ZNF560: variants seen among roughly 807,000 people sequenced by gnomAD.
ZNF560 encodes zinc finger protein 560.
A neutral mutation model predicts 81.8 loss-of-function variants in ZNF560; 54 were observed. The ratio of observed to expected loss-of-function variants is 0.66; its 90% CI spans 0.53 to 0.83. The LOEUF is 0.83. Ranked by LOEUF, ZNF560 falls within the 40% of genes least tolerant of loss-of-function variation. ZNF560 has a pLI of 0.00. For missense variants in ZNF560, 940 were observed against 932.4 expected (o/e 1.01, Z -0.11); for synonymous variants, 321 against 317.9 (o/e 1.01, Z -0.10).
intron 2 of ZNF560, among the ~76,000 whole-genome samples, chr19:9,478,272 CAAAA>C (rs1031766183): frequency 6.6e-6 from 1 of 151,964 alleles, no homozygotes; most frequent in Non-Finnish European, 1.5e-5. Context: ...AACAAACAAA[CAAAA>C]AAACTGCTCA....
At chr19:9,471,830 G>A (rs573564537) in intron 5 of ZNF560, among the ~76,000 whole-genome samples, 1 of 152,364 alleles carries the variant, frequency 6.6e-6, no homozygotes, top group Non-Finnish European at 1.5e-5. Context: ...CCCTCAGAGG[G>A]CTGGGTGTGG....
intron 2 of ZNF560, among the ~76,000 whole-genome samples, chr19:9,490,286 C>G (rs2073450651): frequency 6.6e-6 from 1 of 152,186 alleles, no homozygotes; most frequent in South Asian, 2.1e-4. Context: ...CAGGAGATAA[C>G]AATCATTAAG....
At chr19:9,459,657 A>C in the ZNF560 span, among the ~76,000 whole-genome samples, 2 of 152,196 alleles carry the variant, frequency 1.3e-5, no homozygotes, top group African/African-American at 4.8e-5. Context: ...GTGATCAAAG[A>C]AGCAGGTGGT....
At chr19:9,485,405 G>T (rs913587534) in intron 2 of ZNF560, among the ~76,000 whole-genome samples, 6 of 149,474 alleles carry the variant, frequency 4.0e-5, no homozygotes, top group African/African-American at 1.5e-4. Context: ...CACATTAACA[G>T]AATTAAGTAT....
chr19:9,477,821 A>C (rs910638713), intron 2 of ZNF560, among the ~76,000 whole-genome samples: 12 of 152,204 alleles, frequency 7.9e-5, no homozygotes. Flanking sequence ...AGGAAAAGAA[A>C]AAAATCTTTG....
chr19:9,476,712 T>A (rs937333971), intron 2 of ZNF560, among the ~76,000 whole-genome samples: 1 of 152,224 alleles, frequency 6.6e-6, no homozygotes, highest in Non-Finnish European at 1.5e-5. Context: ...CTTCTGCCAT[T>A]GATGTTAAGT....
At chr19:9,494,860 TCACACCACTGCACTCCAGA>T (rs1189970215) in intron 2 of ZNF560, among the ~76,000 whole-genome samples, 2 of 151,792 alleles carry the variant, frequency 1.3e-5, no homozygotes, top group Non-Finnish European at 2.9e-5. Flanking sequence ...TGAGCCAAGG[TCACACCACTGCACTCCAGA>T]CAGCAATAAG....
At chr19:9,453,149 T>C in the ZNF560 span, among the ~76,000 whole-genome samples, 1 of 152,156 alleles carries the variant, frequency 6.6e-6, no homozygotes, top group Non-Finnish European at 1.5e-5. Context: ...ACAAGAGTGT[T>C]TGCTGTATCT....
Position 9,466,768 on chromosome 19 carries a change from G to A in ZNF560, c.2179C>T (p.Leu727Phe), listed in dbSNP as rs1160331611. The change falls in exon 10 of 10, where the codon CTT becomes TTT. Residue 727 changes from leucine (L) to phenylalanine (F), a missense_variant. By Grantham distance (22) the Leu-to-Phe change is conservative. Transcript: ENST00000301480. ...GTGTGAATTCGCACATGATTAGTAA[G>A]ATCTGAATGACAAGTGAAGGCTTTC... ...CGKAFTCHSD[L>F]TNHVRIHTGE... 4 of 1,614,092 alleles carry A rather than the reference G, an allele frequency of 2.5e-6. No individual in the cohort carries two copies. Among genetic ancestry groups the A allele is most frequent in the Non-Finnish European group, 3.4e-6 (4 of 1,180,006 alleles).
At chr19:9,456,255 C>T in the ZNF560 span, among the ~76,000 whole-genome samples, 3 of 152,116 alleles carry the variant, frequency 2.0e-5, no homozygotes, top group African/African-American at 4.8e-5. Flanking sequence ...CAGGAGTCTG[C>T]GGACCTCTGC....
intron 2 of ZNF560, among the ~76,000 whole-genome samples, chr19:9,476,645 C>T (rs1387039080): frequency 6.6e-6 from 1 of 152,142 alleles, no homozygotes; most frequent in Non-Finnish European, 1.5e-5. Flanking sequence ...CAATCTCTCT[C>T]CTGCCACCCT....
At position 9,498,235 on chromosome 19, in the gene ZNF560, C is replaced by A. The variant is rs184565666; in HGVS notation, c.-144-20G>T. The A allele has an allele frequency of 2.3e-4, 35 of 152,276 alleles. No homozygotes were observed. Among genetic ancestry groups the A allele is most frequent in the African/African-American group, 8.2e-4 (34 of 41,558 alleles). 9.4% of individuals were successfully genotyped at this position (152,276 alleles called of 1,614,324 possible). Reference sequence around the variant, plus strand: ...TTCCCTCTGAAACACAATTCACAAACGTTGCCTTGGAGACTTATTTTTTAA... The same window carrying A: ...TTCCCTCTGAAACACAATTCACAAAAGTTGCCTTGGAGACTTATTTTTTAA... On this transcript the variant is annotated intron_variant, in intron 1 of 9. Transcript: ENST00000301480.
chr19:9,483,637 GC>G (rs1335713380), intron 2 of ZNF560, among the ~76,000 whole-genome samples: 1 of 146,346 alleles, frequency 6.8e-6, no homozygotes, highest in African/African-American at 2.5e-5. Flanking sequence ...GTGGGGGCCA[GC>G]CCCCCGCCGG....
At chr19:9,464,468 G>T (rs1018704333), downstream of ZNF560, among the ~76,000 whole-genome samples, 32 of 152,160 alleles carry the variant, frequency 2.1e-4, no homozygotes, top group African/African-American at 7.5e-4. Flanking sequence ...TGAAATCACG[G>T]TATCTTAAGT....
chr19:9,484,531 C>T (rs1051704124), intron 2 of ZNF560, among the ~76,000 whole-genome samples: 11 of 151,424 alleles, frequency 7.3e-5, no homozygotes, highest in South Asian at 2.1e-4. Flanking sequence ...CCTGTAATTC[C>T]GGCACTTTGG....
chr19:9,486,236 T>C (rs1296539011), intron 2 of ZNF560, among the ~76,000 whole-genome samples: 2 of 151,832 alleles, frequency 1.3e-5, no homozygotes, highest in Non-Finnish European at 2.9e-5. Context: ...TATCCTGGGG[T>C]GCATTATGGG....
At chr19:9,487,239 C>A (rs1448110859) in intron 2 of ZNF560, among the ~76,000 whole-genome samples, 3 of 152,146 alleles carry the variant, frequency 2.0e-5, no homozygotes, top group Non-Finnish European at 4.4e-5. Context: ...AGTAAAATTG[C>A]CTTGCTGAGA....
chr19:9,454,810 A>G, the ZNF560 span, among the ~76,000 whole-genome samples: 3 of 152,086 alleles, frequency 2.0e-5, no homozygotes, highest in Non-Finnish European at 4.4e-5. Context: ...TCCACCTTGG[A>G]AGCTTTTCAC....
chr19:9,457,927 G>A, the ZNF560 span, among the ~76,000 whole-genome samples: 1 of 152,066 alleles, frequency 6.6e-6, no homozygotes, highest in Non-Finnish European at 1.5e-5. Context: ...AGTCCATAAG[G>A]CCCAAATAAA....
Sources: gnomAD v4.1 joint callset for allele counts (sites outside exome capture counted in the v4.1 genomes callset) on GRCh38, gnomAD v4.1.1 for gene constraint, MANE v1.5 for transcripts, NCBI Gene and HGNC (gene_info 2026-07-23, HGNC 2026-07-21) for gene names.